Variants in SPECC1 observed in about 807,000 individuals in gnomAD.
SPECC1 encodes the protein cytospin-B.
SPECC1 carries 62 observed loss-of-function variants against 104.1 expected under a neutral mutation model. That is an observed-to-expected ratio of 0.60 (90% CI 0.49 to 0.74). SPECC1 has a LOEUF of 0.74. Ranked by LOEUF, SPECC1 falls within the 30% of genes least tolerant of loss-of-function variation. The pLI, the probability that SPECC1 is intolerant of heterozygous loss-of-function variation, is 0.00. For missense variants in SPECC1, 1,306 were observed against 1,310.5 expected, an observed-to-expected ratio of 1.00 and a Z score of 0.05; for synonymous variants, 513 against 501.6, an observed-to-expected ratio of 1.02 and a Z score of -0.30.
intron 4 of SPECC1, among the ~76,000 whole-genome samples, chr17:20,226,798 G>A (rs1258796398): frequency 6.6e-6 from 1 of 152,220 alleles, no homozygotes; most frequent in South Asian, 2.1e-4. Flanking sequence ...CTGTGATAGA[G>A]CATGAATGTG....
chr17:20,164,448 A>G (rs2033465903), intron 3 of SPECC1, among the ~76,000 whole-genome samples: 1 of 151,990 alleles, frequency 6.6e-6, no homozygotes, highest in South Asian at 2.1e-4. Context: ...ATTTGCCACC[A>G]TGCCTGGCCC....
At chr17:20,056,907 G>T (rs1204888571) in intron 1 of SPECC1, among the ~76,000 whole-genome samples, 2 of 152,028 alleles carry the variant, frequency 1.3e-5, no homozygotes, top group African/African-American at 4.8e-5. Context: ...AGTATCTATA[G>T]CCCAGGACAA....
intron 12 of SPECC1, among the ~76,000 whole-genome samples, chr17:20,273,078 T>C (rs1383208454): frequency 6.6e-6 from 1 of 152,166 alleles, no homozygotes; most frequent in East Asian, 1.9e-4. Flanking sequence ...CTGGTGTCAG[T>C]GTCTTTAGGT....
At position 20,094,842 on chromosome 17, in the gene SPECC1, C is replaced by T. The variant is rs2047569087; in HGVS notation, c.-21-1789C>T. On this transcript the variant is annotated intron_variant, in intron 1 of 14. Coordinates refer to ENST00000395527, the MANE Select transcript of SPECC1 (RefSeq NM_001243439.2). The stretch of plus-strand genomic sequence containing the variant: ...CTCAAACTCCTAGACTCAAGTGATC[C>T]TCCCACTTTGGCCTCCCAAAATATT... Among the ~76,000 whole-genome samples, 3 of 152,152 alleles carry T rather than the reference C, an allele frequency of 2.0e-5. No homozygotes were observed. In the South Asian group the frequency reaches 6.2e-4, roughly 32 times the overall value.
intron 7 of SPECC1, among the ~76,000 whole-genome samples, chr17:20,233,501 T>C (rs1253698429): frequency 6.6e-6 from 1 of 152,218 alleles, no homozygotes; most frequent in Non-Finnish European, 1.5e-5. Context: ...AGCTCCACAA[T>C]TCACTGTTGA....
rs746420873 is a variant in SPECC1, at chr17:20,253,544, G to T, written c.2638G>T (p.Gly880Trp). Residue 880 changes from glycine to tryptophan, a missense_variant, in exon 10 of 15, where the codon GGG (glycine) becomes TGG (tryptophan). By Grantham distance (184) the Gly-to-Trp change is radical. Coordinates refer to ENST00000395527, the MANE Select transcript of SPECC1 (RefSeq NM_001243439.2). The part of the protein sequence containing the change: ...TYSSVRPASR[G>W]VTQRLDLPDL... Reference sequence around the variant, plus strand: ...CAGCAGTGTGCGGCCAGCCAGCAGAGGGGTGACTCAACGCTTGGACCTTCC... The same window carrying T: ...CAGCAGTGTGCGGCCAGCCAGCAGATGGGTGACTCAACGCTTGGACCTTCC... 1 of 1,614,060 alleles carries T rather than the reference G, an allele frequency of 6.2e-7. No homozygotes were observed. Among genetic ancestry groups the T allele is most frequent in the Non-Finnish European group, 8.5e-7 (1 of 1,180,024 alleles).
chr17:20,044,365 T>G lies in SPECC1; in HGVS notation c.-22+34941T>G, dbSNP rs564001093. Among the ~76,000 whole-genome samples, 26 of 152,314 alleles carry G rather than the reference T, an allele frequency of 1.7e-4. No individual in the cohort carries two copies. The South Asian group carries it at 5.4e-3, about 32-fold the overall frequency. On this transcript the variant is annotated intron_variant, in intron 1 of 14. Coordinates refer to ENST00000395527, the MANE Select transcript of SPECC1 (RefSeq NM_001243439.2). Reference sequence around the variant, plus strand: ...AGAAGGTGACTTTGTAATCTGTATATAGCTCACCCTGGAGGTGAATGGTAC... The same window carrying G: ...AGAAGGTGACTTTGTAATCTGTATAGAGCTCACCCTGGAGGTGAATGGTAC...
At chr17:20,022,742 A>G (rs536727991) in intron 1 of SPECC1, among the ~76,000 whole-genome samples, 1 of 152,286 alleles carries the variant, frequency 6.6e-6, no homozygotes, top group Non-Finnish European at 1.5e-5. Context: ...CCTGGCCACT[A>G]GTGTCATTTG....
chr17:20,063,490 A>G, intron 1 of SPECC1, among the ~76,000 whole-genome samples: 1 of 152,142 alleles, frequency 6.6e-6, no homozygotes, highest in Admixed American at 6.5e-5. Context: ...CATTTTATTA[A>G]TCTTCAAGGT....
chr17:20,201,206 A>G (rs953955078), intron 3 of SPECC1, among the ~76,000 whole-genome samples: 1 of 152,068 alleles, frequency 6.6e-6, no homozygotes, highest in East Asian at 1.9e-4. Context: ...CACGCCTGTC[A>G]TCCTAGCACT....
At chr17:20,064,513 C>A (rs2046297239) in intron 1 of SPECC1, among the ~76,000 whole-genome samples, 1 of 152,156 alleles carries the variant, frequency 6.6e-6, no homozygotes, top group African/African-American at 2.4e-5. Flanking sequence ...GTGGCAGGTA[C>A]ATGACGCTAG....
chr17:20,129,447 C>G (rs532793136), intron 3 of SPECC1, among the ~76,000 whole-genome samples: 1 of 152,036 alleles, frequency 6.6e-6, no homozygotes, highest in African/African-American at 2.4e-5. Context: ...CTCGGCCTCC[C>G]AAAGTGCTGG....
rs530138601 is a variant in SPECC1, at chr17:20,239,157, C to G, written c.2351+6752C>G. ...AACTCTAGGGTCTCAGAAAATATAGCATGGACTTAAAGTCTAGATGTGTTT... is the reference window on the plus strand; with the variant it reads ...AACTCTAGGGTCTCAGAAAATATAGGATGGACTTAAAGTCTAGATGTGTTT... On this transcript the variant is annotated intron_variant, in intron 7 of 14. Coordinates refer to ENST00000395527, the MANE Select transcript of SPECC1 (RefSeq NM_001243439.2). 1.6e-5 allele frequency: 16 copies of G among 1,026,604 alleles called. No individual in the cohort carries two copies. The South Asian group carries it at 5.5e-4, about 36-fold the overall frequency. The allele number at this position is 1,026,604 out of a possible 1,614,324, so 63.6% of individuals were successfully genotyped here. A position where few individuals can be genotyped will look rare whatever the true frequency, so the allele number is the denominator to read the frequency against.
At chr17:20,122,374 GA>G (rs1198502345) in intron 3 of SPECC1, among the ~76,000 whole-genome samples, 8 of 152,172 alleles carry the variant, frequency 5.3e-5, no homozygotes, top group Admixed American at 2.6e-4. Context: ...TGTGGTCTAG[GA>G]AAGAAGTGAC....
chr17:20,241,391 A>G (rs961293506), intron 7 of SPECC1, among the ~76,000 whole-genome samples: 1 of 151,686 alleles, frequency 6.6e-6, no homozygotes, highest in Admixed American at 6.6e-5. Flanking sequence ...CTTGTTCCTG[A>G]TCCTTTGCCA....
intron 3 of SPECC1, among the ~76,000 whole-genome samples, chr17:20,187,771 C>A (rs1000057741): frequency 1.3e-5 from 2 of 152,106 alleles, no homozygotes; most frequent in Admixed American, 1.3e-4. Flanking sequence ...TTCAGAGGGA[C>A]CTTGGTAAAT....
At chr17:20,152,621 A>AAC (rs1555615594) in intron 3 of SPECC1, among the ~76,000 whole-genome samples, 5 of 152,122 alleles carry the variant, frequency 3.3e-5, no homozygotes, top group Non-Finnish European at 5.9e-5. Flanking sequence ...ACATAACAGA[A>AAC]AGAGAGAGAG....
chr17:20,062,244 C>T (rs563610786), intron 1 of SPECC1, among the ~76,000 whole-genome samples: 347 of 147,126 alleles, frequency 2.4e-3, no homozygotes, highest in African/African-American at 8.4e-3. Flanking sequence ...CAGAGCAAGA[C>T]TCTGTCGTCA....
At chr17:20,152,893 T>C (rs1597827541) in intron 3 of SPECC1, among the ~76,000 whole-genome samples, 1 of 152,148 alleles carries the variant, frequency 6.6e-6, no homozygotes, top group Non-Finnish European at 1.5e-5. Context: ...TCTTGATCTC[T>C]TGACCTCGTG....
Sources: gnomAD v4.1 joint callset for allele counts (sites outside exome capture counted in the v4.1 genomes callset) on GRCh38, gnomAD v4.1.1 for gene constraint, MANE v1.5 for transcripts, NCBI Gene and HGNC (gene_info 2026-07-23, HGNC 2026-07-21) for gene names.